Variants in GRIK2 observed in about 807,000 individuals in gnomAD.
The protein encoded by GRIK2 is glutamate ionotropic receptor kainate type subunit 2, also known as glutamate receptor ionotropic, kainate 2.
GRIK2 carries 32 observed loss-of-function variants against 100.3 expected under a neutral mutation model. The ratio of observed to expected loss-of-function variants is 0.32; its 90% confidence interval spans 0.24 to 0.43. The LOEUF is 0.43. Among genes scored for constraint, GRIK2 ranks in the 20% least tolerant of loss-of-function variants. The pLI is 1.00. For missense variants in GRIK2, 843 were observed against 1,114.9 expected (o/e 0.76, Z 3.47); for synonymous variants, 417 against 389.4 (o/e 1.07, Z -0.83).
chr6:101,817,784 G>A (rs1313065981), intron 9 of GRIK2, among the ~76,000 whole-genome samples: 1 of 152,186 alleles, frequency 6.6e-6, no homozygotes, highest in Non-Finnish European at 1.5e-5. Flanking sequence ...GTGTTATTCA[G>A]ATCAGATTTT....
In GRIK2 at chr6:101,682,024, TAAC is replaced by T. The variant is rs926785789; in HGVS notation, c.724-523_724-521del. On this transcript the variant is annotated intron_variant, in intron 5 of 16. Coordinates refer to ENST00000369134, the MANE Select transcript of GRIK2 (RefSeq NM_021956.5). Reference sequence around the variant, plus strand: ...CAGTAATTTGTGACTAGTTTATTAATAACAACAAAAACATTTCTTTAATTATAT... The same window carrying T: ...CAGTAATTTGTGACTAGTTTATTAATAACAAAAACATTTCTTTAATTATAT... Among the ~76,000 whole-genome samples, 9 of 152,302 alleles carry T rather than the reference TAAC, an allele frequency of 5.9e-5. No homozygotes were observed. The South Asian group carries it at 8.3e-4, about 14-fold the overall frequency.
chr6:101,734,309 C>G (rs933293585), intron 7 of GRIK2, among the ~76,000 whole-genome samples: 3 of 152,126 alleles, frequency 2.0e-5, no homozygotes, highest in Admixed American at 6.5e-5. Flanking sequence ...CCAGCAGACT[C>G]AAAACCTAAA....
chr6:101,754,384 A>G (rs776141612), intron 7 of GRIK2, among the ~76,000 whole-genome samples: 3 of 152,218 alleles, frequency 2.0e-5, no homozygotes, highest in Non-Finnish European at 4.4e-5. Flanking sequence ...CAAAGCTATT[A>G]TGTTGTAGGA....
Position 101,393,797 on chromosome 6 carries a change from C to T in GRIK2, c.-334C>T, listed in dbSNP as rs574429436. On this transcript the variant is annotated 5_prime_UTR_variant, in exon 1 of 17. Coordinates refer to ENST00000369134, the MANE Select transcript of GRIK2 (RefSeq NM_021956.5). ...TCCTCCGGCTGCTCCTCCCCGAGGA[C>T]CACCCCACCCCCTCCCCGCCCACCT... 6.6e-6 allele frequency among the ~76,000 whole-genome samples: 1 copy of T among 152,084 alleles called. No homozygotes were observed. The highest frequency in any genetic ancestry group is 2.1e-4 in the South Asian group (1 of 4,826).
intron 12 of GRIK2, among the ~76,000 whole-genome samples, chr6:101,902,522 A>G (rs1481422083): frequency 1.3e-5 from 2 of 151,974 alleles, no homozygotes; most frequent in African/African-American, 4.8e-5. Flanking sequence ...TACCTAAACA[A>G]TTAGCATAAC....
At chr6:101,577,305 T>C (rs1178171622) in intron 2 of GRIK2, among the ~76,000 whole-genome samples, 2 of 152,104 alleles carry the variant, frequency 1.3e-5, no homozygotes, top group Admixed American at 6.6e-5. Flanking sequence ...GTCAGCAATA[T>C]GTCATAAAAA....
chr6:101,583,425 G>A (rs678169), intron 2 of GRIK2, among the ~76,000 whole-genome samples: 1 of 151,808 alleles, frequency 6.6e-6, no homozygotes, highest in Non-Finnish European at 1.5e-5. Context: ...CTATGAGAAT[G>A]TTTTTCTGCC....
At chr6:102,000,238 G>A (rs2114256022) in intron 14 of GRIK2, among the ~76,000 whole-genome samples, 1 of 144,598 alleles carries the variant, frequency 6.9e-6, no homozygotes, top group South Asian at 2.2e-4. Context: ...TTATGATACT[G>A]TGATATCACC....
intron 14 of GRIK2, among the ~76,000 whole-genome samples, chr6:101,992,123 GT>G (rs930068385): frequency 5.3e-5 from 8 of 151,354 alleles, no homozygotes; most frequent in African/African-American, 1.7e-4. Context: ...ATTTAATATT[GT>G]TAATATTTAT....
At chr6:102,059,215 A>C (rs1001152854) in intron 16 of GRIK2, among the ~76,000 whole-genome samples, 1 of 151,278 alleles carries the variant, frequency 6.6e-6, no homozygotes, top group African/African-American at 2.4e-5. Flanking sequence ...CATTCCTTTC[A>C]GATAACCACA....
chr6:101,754,007 A>T (rs1776966015), intron 7 of GRIK2, among the ~76,000 whole-genome samples: 1 of 152,060 alleles, frequency 6.6e-6, no homozygotes, highest in Non-Finnish European at 1.5e-5. Context: ...CTATGGGATG[A>T]AGTATAAAGA....
chr6:101,767,182 G>A (rs1260618186), intron 7 of GRIK2, among the ~76,000 whole-genome samples: 2 of 152,014 alleles, frequency 1.3e-5, no homozygotes, highest in Non-Finnish European at 2.9e-5. Context: ...TTAATTCTGC[G>A]GTTTATCAGC....
chr6:101,452,450 T>G (rs1021477495), intron 2 of GRIK2, among the ~76,000 whole-genome samples: 8 of 25,800 alleles, frequency 3.1e-4, no homozygotes, highest in African/African-American at 9.6e-4. Flanking sequence ...AATTTTTGTG[T>G]TTTTTTTTTC....
chr6:101,406,695 G>A (rs1775609910), intron 2 of GRIK2, among the ~76,000 whole-genome samples: 1 of 152,152 alleles, frequency 6.6e-6, no homozygotes, highest in South Asian at 2.1e-4. Context: ...GGGTGTGGAA[G>A]GGAGGCTGAG....
intron 10 of GRIK2, among the ~76,000 whole-genome samples, chr6:101,850,515 G>T (rs1349848955): frequency 6.6e-6 from 1 of 151,918 alleles, no homozygotes; most frequent in Non-Finnish European, 1.5e-5. Context: ...TTGAGCCCTA[G>T]ATAAGAGCTG....
At chr6:101,928,358 T>C in intron 13 of GRIK2, 57 bp from the exon 14 acceptor site, 1 of 891,482 alleles carries the variant, frequency 1.1e-6, no homozygotes, top group Non-Finnish European at 1.9e-6. Flanking sequence ...ACAAAAAGTA[T>C]CTGATTGCTG....
chr6:101,838,543 G>A (rs1783287883), intron 10 of GRIK2, among the ~76,000 whole-genome samples: 1 of 152,096 alleles, frequency 6.6e-6, no homozygotes, highest in African/African-American at 2.4e-5. Context: ...GTATCAATAA[G>A]ACCACAGACG....
chr6:101,859,351 G>T lies in GRIK2; in HGVS notation c.1382G>T (p.Gly461Val). ...CTCTATGGTAATGATCGATTTGAAG[G>T]CTATTGCATTGATCTCCTCAGAGAG... is the stretch of plus-strand genomic sequence containing the variant. ...KPLYGNDRFEGYCIDLLRELS... is the reference protein window; with the variant it reads ...KPLYGNDRFEVYCIDLLRELS... The change falls in exon 11 of 17, where the codon GGC (glycine) becomes GTC (valine). Residue 461 changes from glycine (G) to valine (V), a missense_variant. Transcript: ENST00000369134. 1 of 1,603,606 alleles carries T rather than the reference G, an allele frequency of 6.2e-7. No homozygotes were observed. The highest frequency in any genetic ancestry group is 8.5e-7 in the Non-Finnish European group (1 of 1,170,690).
At position 101,399,267 on chromosome 6, in the gene GRIK2, A is replaced by C; in HGVS notation, c.-11A>C. 1 of 1,342,276 alleles carries C rather than the reference A, an allele frequency of 7.5e-7. No homozygotes were observed. The highest frequency in any genetic ancestry group is 1.7e-5 in the Admixed American group (1 of 59,684). 83.1% of individuals were successfully genotyped at this position (1,342,276 alleles called of 1,614,324 possible). On this transcript the variant is annotated 5_prime_UTR_variant, in exon 2 of 17. Coordinates refer to ENST00000369134, the MANE Select transcript of GRIK2 (RefSeq NM_021956.5). ...GGAAGTGGGTGCCGTGCGTGTGGGC[A>C]CAGAAACACCATGAAGATTATTTTC... is the stretch of plus-strand genomic sequence containing the variant.
Sources: allele counts gnomAD v4.1 joint callset (sites outside exome capture counted in the v4.1 genomes callset), GRCh38; gene constraint gnomAD v4.1.1; transcripts MANE v1.5; gene names NCBI Gene and HGNC (gene_info 2026-07-23, HGNC 2026-07-21).